SDK1: variants seen among roughly 807,000 people sequenced by gnomAD.
The protein encoded by SDK1 is protein sidekick-1.
In SDK1, 157 loss-of-function variants were observed where a neutral mutation model predicts 245.5. The observed-to-expected ratio is 0.64, with a 90% CI of 0.56 to 0.73. SDK1 has a LOEUF of 0.73. Ranked by LOEUF, SDK1 falls within the 30% of genes least tolerant of loss-of-function variation. The pLI is 0.00. For missense variants in SDK1, 3,583 were observed against 3,002.3 expected, an observed-to-expected ratio of 1.19 and a Z score of -4.52; for synonymous variants, 1,647 against 1,278.5, an observed-to-expected ratio of 1.29 and a Z score of -6.15.
chr7:4,250,692 G>C (rs1334643791), intron 44 of SDK1, among the ~76,000 whole-genome samples: 1 of 152,166 alleles, frequency 6.6e-6, no homozygotes. Flanking sequence ...CAGGCCAAAT[G>C]TCACAAGGGG....
chr7:3,779,458 T>TA (rs1562437366), intron 4 of SDK1, among the ~76,000 whole-genome samples: 60 of 151,180 alleles, frequency 4.0e-4, no homozygotes, highest in African/African-American at 1.4e-3. Context: ...CCTATTTTTT[T>TA]TAAAAAAAAA....
chr7:3,953,773 CG>C (rs1295583285), intron 7 of SDK1, among the ~76,000 whole-genome samples: 1 of 152,144 alleles, frequency 6.6e-6, no homozygotes, highest in Non-Finnish European at 1.5e-5. Context: ...AGCACCTCTC[CG>C]TGTTCTGACT....
At chr7:3,501,079 T>C (rs921981838) in intron 1 of SDK1, among the ~76,000 whole-genome samples, 2 of 152,202 alleles carry the variant, frequency 1.3e-5, no homozygotes, top group Admixed American at 1.3e-4. Context: ...GACTGTTCAT[T>C]GTATATGTGC....
At chr7:3,550,131 TTAA>T (rs1188989826) in intron 1 of SDK1, among the ~76,000 whole-genome samples, 1 of 152,136 alleles carries the variant, frequency 6.6e-6, no homozygotes, top group Non-Finnish European at 1.5e-5. Context: ...TTTCAACATA[TTAA>T]TATGTGTCTA....
chr7:3,669,628 C>G (rs1783634395), intron 4 of SDK1, among the ~76,000 whole-genome samples: 1 of 152,084 alleles, frequency 6.6e-6, no homozygotes, highest in Non-Finnish European at 1.5e-5. Flanking sequence ...TTCCTCAATC[C>G]TTGGTCCTAG....
At chr7:4,180,541 A>G (rs781067294) in intron 35 of SDK1, among the ~76,000 whole-genome samples, 4 of 151,982 alleles carry the variant, frequency 2.6e-5, no homozygotes, top group South Asian at 4.2e-4. Flanking sequence ...CTCCAGCTCT[A>G]TGCCCAGCGC....
At chr7:3,828,410 G>A (rs929979595) in intron 5 of SDK1, among the ~76,000 whole-genome samples, 5 of 151,742 alleles carry the variant, frequency 3.3e-5, no homozygotes, top group African/African-American at 1.2e-4. Context: ...TTATATGAAC[G>A]AAATTTTATC....
At chr7:3,765,522 C>G (rs905963122) in intron 4 of SDK1, among the ~76,000 whole-genome samples, 4 of 152,168 alleles carry the variant, frequency 2.6e-5, no homozygotes, top group African/African-American at 9.7e-5. Context: ...TTCCTTTTAA[C>G]GCTAGTTCTC....
chr7:3,353,680 CT>C (rs1231897967), intron 1 of SDK1, among the ~76,000 whole-genome samples: 7 of 152,192 alleles, frequency 4.6e-5, no homozygotes, highest in Non-Finnish European at 1.0e-4. Flanking sequence ...GATATTTCCC[CT>C]GTCATGAATA....
intron 4 of SDK1, among the ~76,000 whole-genome samples, chr7:3,786,933 C>CT (rs1780918951): frequency 6.6e-6 from 1 of 152,176 alleles, no homozygotes; most frequent in Admixed American, 6.5e-5. Context: ...TCCACCTCAT[C>CT]TTTTTCAGAT....
Position 4,265,643 on chromosome 7 carries a change from C to G in SDK1, c.*259C>G, listed in dbSNP as rs920989922. On this transcript the variant is annotated 3_prime_UTR_variant, in exon 45 of 45. Transcript: ENST00000404826. ...TAAGAGAAGGTGTATTTCACTGGTGCAATGGCTTGGCACCTCCGGGGCCTG... is the reference window on the plus strand; with the variant it reads ...TAAGAGAAGGTGTATTTCACTGGTGGAATGGCTTGGCACCTCCGGGGCCTG... 3.1e-6 allele frequency: 4 copies of G among 1,279,624 alleles called. No homozygotes were observed. In the African/African-American group the frequency reaches 6.3e-5, roughly 20 times the overall value. The allele number at this position is 1,279,624 out of a possible 1,614,324, so 79.3% of individuals were successfully genotyped here.
chr7:4,077,220 G>A (rs754311016), intron 21 of SDK1, 31 bp downstream of exon 21: 80 of 1,597,788 alleles, frequency 5.0e-5, no homozygotes, highest in Non-Finnish European at 6.4e-5. Context: ...TCCTCCTGCT[G>A]TCACCTTTCT....
intron 4 of SDK1, among the ~76,000 whole-genome samples, chr7:3,658,141 A>T (rs1313967819): frequency 6.6e-6 from 1 of 152,018 alleles, no homozygotes; most frequent in Non-Finnish European, 1.5e-5. Context: ...CAGGACTTTT[A>T]CTTTGGTGCG....
chr7:3,450,251 C>G (rs1780472052), intron 1 of SDK1, among the ~76,000 whole-genome samples: 1 of 152,048 alleles, frequency 6.6e-6, no homozygotes, highest in East Asian at 1.9e-4. Context: ...GACCTCTTAC[C>G]CCAAACTAAG....
chr7:3,981,225 T>G (rs1215324883), intron 13 of SDK1, among the ~76,000 whole-genome samples: 1 of 152,184 alleles, frequency 6.6e-6, no homozygotes, highest in African/African-American at 2.4e-5. Context: ...ATGTTACTAT[T>G]GTAATTGTTT....
intron 38 of SDK1, among the ~76,000 whole-genome samples, chr7:4,219,242 G>A (rs561713217): frequency 1.3e-5 from 2 of 152,208 alleles, no homozygotes; most frequent in East Asian, 3.8e-4. Flanking sequence ...GCCAACCCAG[G>A]CAGGCTGCAG....
chr7:3,768,949 GTCTT>G (rs992468856), intron 4 of SDK1, among the ~76,000 whole-genome samples: 1 of 152,140 alleles, frequency 6.6e-6, no homozygotes, highest in Non-Finnish European at 1.5e-5. Context: ...ATTTCTGATG[GTCTT>G]GCCCTGTTAA....
At chr7:3,922,030 G>A (rs984350035) in intron 5 of SDK1, among the ~76,000 whole-genome samples, 3 of 152,278 alleles carry the variant, frequency 2.0e-5, no homozygotes, top group Admixed American at 6.5e-5. Context: ...GAGCCGCAGG[G>A]CCTCTCACCC....
At chr7:3,535,578 T>G (rs965575043) in intron 1 of SDK1, among the ~76,000 whole-genome samples, 13 of 152,296 alleles carry the variant, frequency 8.5e-5, no homozygotes, top group Admixed American at 6.5e-4. Context: ...TTCTCAGCTG[T>G]AAAGCGCGGG....
Sources: allele counts gnomAD v4.1 joint callset (sites outside exome capture counted in the v4.1 genomes callset), GRCh38; gene constraint gnomAD v4.1.1; transcripts MANE v1.5; gene names NCBI Gene and HGNC (gene_info 2026-07-23, HGNC 2026-07-21).